Variants in PIEZO2 observed in about 807,000 individuals in gnomAD.
PIEZO2 encodes piezo-type mechanosensitive ion channel component 2.
In PIEZO2, 172 loss-of-function variants were observed where a neutral mutation model predicts 337.3. The observed-to-expected ratio is 0.51, with a 90% CI of 0.45 to 0.58. PIEZO2 has a LOEUF of 0.58. Ranked by LOEUF, PIEZO2 falls within the 20% of genes least tolerant of loss-of-function variation. The pLI is 0.00. For synonymous variants in PIEZO2, 1,251 were observed against 1,228.5 expected (o/e 1.02, Z -0.38); for missense variants, 3,028 against 3,391.3 (o/e 0.89, Z 2.66).
Position 11,032,217 on chromosome 18 carries a change from T to C in PIEZO2, c.160+33910A>G, listed in dbSNP as rs1387811000. ...CAGCAGAGAGCCTTATGTCTCAACA[T>C]TGATTCTCGGGTCTCCAGTGTGGTC... On this transcript the variant is annotated intron_variant, in intron 2 of 55. Coordinates refer to ENST00000674853, the MANE Select transcript of PIEZO2 (RefSeq NM_001378183.1). This position sits in a 1 kb window ranked among gnomAD's most constrained non-coding sequence, Gnocchi z 4.9. Among the ~76,000 whole-genome samples, 1 of 152,220 alleles carries C rather than the reference T, an allele frequency of 6.6e-6. No homozygotes were observed. Among genetic ancestry groups the C allele is most frequent in the East Asian group, 1.9e-4 (1 of 5,198 alleles).
chr18:10,741,498 G>A (rs1001886948), intron 32 of PIEZO2, among the ~76,000 whole-genome samples: 1 of 152,064 alleles, frequency 6.6e-6, no homozygotes, highest in Non-Finnish European at 1.5e-5. Context: ...ACAATAAGCA[G>A]AATTTTTTCT....
At chr18:10,994,412 T>C (rs2035226295) in intron 2 of PIEZO2, among the ~76,000 whole-genome samples, 1 of 151,574 alleles carries the variant, frequency 6.6e-6, no homozygotes, top group African/African-American at 2.4e-5. Flanking sequence ...TTTTTTTTTT[T>C]TTTTTGATAC....
At chr18:10,804,620 C>T (rs949113698) in intron 8 of PIEZO2, among the ~76,000 whole-genome samples, 1 of 152,142 alleles carries the variant, frequency 6.6e-6, no homozygotes, top group Non-Finnish European at 1.5e-5. Flanking sequence ...TGTCTGGGTC[C>T]CAGTGCACCA....
intron 43 of PIEZO2, among the ~76,000 whole-genome samples, chr18:10,699,969 C>T (rs1012128757): frequency 1.3e-5 from 2 of 152,130 alleles, no homozygotes; most frequent in South Asian, 2.1e-4. Context: ...AAACCAACTC[C>T]GAGAATGATC....
chr18:11,013,822 T>G (rs1206650667), intron 2 of PIEZO2, among the ~76,000 whole-genome samples: 3 of 152,222 alleles, frequency 2.0e-5, no homozygotes, highest in Non-Finnish European at 4.4e-5. Flanking sequence ...TTACAGAGGC[T>G]TTTAATGAGC....
At chr18:10,756,646 G>T (rs1336103686) in intron 27 of PIEZO2, among the ~76,000 whole-genome samples, 1 of 142,086 alleles carries the variant, frequency 7.0e-6, no homozygotes, top group African/African-American at 2.6e-5. Context: ...GGAGGGGTGG[G>T]GATGAGGATG....
In PIEZO2 at chr18:11,127,475, T is replaced by C. The variant is rs772996973; in HGVS notation, c.64+21050A>G. On this transcript the variant is annotated intron_variant, in intron 1 of 55. Coordinates refer to ENST00000674853, the MANE Select transcript of PIEZO2 (RefSeq NM_001378183.1). The surrounding 1 kb of genome is among the most constrained non-coding windows in gnomAD (Gnocchi z 4.5). ...GTGGGCACAATCTAATCAGCGAATATAAAGAAGGTAGGAAAACGTGACAAG... is the reference window on the plus strand; with the variant it reads ...GTGGGCACAATCTAATCAGCGAATACAAAGAAGGTAGGAAAACGTGACAAG... Among the ~76,000 whole-genome samples, 16 of 152,042 alleles carry C rather than the reference T, an allele frequency of 1.1e-4. No homozygotes were observed. Among genetic ancestry groups the C allele is most frequent in the African/African-American group, 3.9e-4 (16 of 41,460 alleles).
chr18:10,870,884 A>G lies in PIEZO2; in HGVS notation c.492+369T>C, dbSNP rs1358233327. On this transcript the variant is annotated intron_variant, in intron 5 of 55. Coordinates refer to ENST00000674853, the MANE Select transcript of PIEZO2 (RefSeq NM_001378183.1). This position sits in a 1 kb window ranked among gnomAD's most constrained non-coding sequence, Gnocchi z 5.3. ...TCATTTTTTTCCCTAAAACTACCAGATGTTACTTCTTTAAATATTCTGCAA... is the reference window on the plus strand; with the variant it reads ...TCATTTTTTTCCCTAAAACTACCAGGTGTTACTTCTTTAAATATTCTGCAA... Among the ~76,000 whole-genome samples, 1 of 152,090 alleles carries G rather than the reference A, an allele frequency of 6.6e-6. No individual in the cohort carries two copies. Among genetic ancestry groups the G allele is most frequent in the Non-Finnish European group, 1.5e-5 (1 of 68,024 alleles).
In PIEZO2 at chr18:10,707,661, G is replaced by A. The variant is rs536458396; in HGVS notation, c.5588+614C>T. ...GAATACTGTTTTAGGGTAGGATTTG[G>A]GAGAACTTAAGCCACAGTATATTTT... On this transcript the variant is annotated intron_variant, in intron 40 of 55. Transcript: ENST00000674853. This position sits in a 1 kb window ranked among gnomAD's most constrained non-coding sequence, Gnocchi z 4.2. Among the ~76,000 whole-genome samples the A allele has an allele frequency of 4.6e-5, 7 of 152,246 alleles. No individual in the cohort carries two copies. Among genetic ancestry groups the A allele is most frequent in the South Asian group, 2.1e-4 (1 of 4,822 alleles).
At chr18:11,024,354 G>A (rs533703613) in intron 2 of PIEZO2, among the ~76,000 whole-genome samples, 1 of 151,936 alleles carries the variant, frequency 6.6e-6, no homozygotes, top group African/African-American at 2.4e-5. Context: ...GACCATCCTG[G>A]GTAAGATAGT....
intron 1 of PIEZO2, among the ~76,000 whole-genome samples, chr18:11,113,331 CTGTT>C (rs1445111520): frequency 2.0e-5 from 3 of 152,198 alleles, no homozygotes; most frequent in East Asian, 3.9e-4. Context: ...ATTAGCCAAA[CTGTT>C]TGTTTCCATT....
chr18:11,058,818 T>C (rs1260797779), intron 2 of PIEZO2, among the ~76,000 whole-genome samples: 1 of 152,174 alleles, frequency 6.6e-6, no homozygotes, highest in East Asian at 1.9e-4. Flanking sequence ...TGGAACCAAG[T>C]TGGAAAACAC....
intron 43 of PIEZO2, among the ~76,000 whole-genome samples, chr18:10,700,899 T>A (rs541972079): frequency 6.6e-6 from 1 of 152,174 alleles, no homozygotes; most frequent in Non-Finnish European, 1.5e-5. Flanking sequence ...ATGACCCAGC[T>A]AAGGCTCCCT....
rs980334458 is a variant in PIEZO2, at chr18:11,035,500, C to G, written c.160+30627G>C. On this transcript the variant is annotated intron_variant, in intron 2 of 55. Coordinates refer to ENST00000674853, the MANE Select transcript of PIEZO2 (RefSeq NM_001378183.1). The surrounding 1 kb of genome is among the most constrained non-coding windows in gnomAD (Gnocchi z 4.3). ...ATAAACCTGTTTCCTTTACATATCT[C>G]CCAGCCTCAGATATTCCTTTAGAGC... 6.6e-6 allele frequency among the ~76,000 whole-genome samples: 1 copy of G among 152,174 alleles called. No individual in the cohort carries two copies. The highest frequency in any genetic ancestry group is 1.9e-4 in the East Asian group (1 of 5,190).
rs769411350 is a variant in PIEZO2, at chr18:10,870,219, C to T, written c.492+1034G>A. ...TTTGCATAGGTTTATTGAATTCTATCCCTCCTTTATTGTTTTTTAAATAAG... is the reference window on the plus strand; with the variant it reads ...TTTGCATAGGTTTATTGAATTCTATTCCTCCTTTATTGTTTTTTAAATAAG... On this transcript the variant is annotated intron_variant, in intron 5 of 55. Coordinates refer to ENST00000674853, the MANE Select transcript of PIEZO2 (RefSeq NM_001378183.1). The surrounding 1 kb of genome is among the most constrained non-coding windows in gnomAD (Gnocchi z 5.3). Among the ~76,000 whole-genome samples the T allele has an allele frequency of 6.6e-6, 1 of 152,120 alleles. No homozygotes were observed. The highest frequency in any genetic ancestry group is 1.5e-5 in the Non-Finnish European group (1 of 68,020).
chr18:11,023,389 C>G (rs1437387691), intron 2 of PIEZO2, among the ~76,000 whole-genome samples: 2 of 152,184 alleles, frequency 1.3e-5, no homozygotes, highest in African/African-American at 2.4e-5. Flanking sequence ...CAAAGGTTCT[C>G]CAAGTCCCCA....
At chr18:10,805,794 A>C (rs1417807869) in intron 8 of PIEZO2, among the ~76,000 whole-genome samples, 2 of 152,204 alleles carry the variant, frequency 1.3e-5, no homozygotes, top group African/African-American at 4.8e-5. Flanking sequence ...CTGAGACCCT[A>C]ATCCCACAGA....
At chr18:11,054,886 G>A (rs1454104075) in intron 2 of PIEZO2, among the ~76,000 whole-genome samples, 3 of 152,152 alleles carry the variant, frequency 2.0e-5, no homozygotes, top group African/African-American at 7.2e-5. Flanking sequence ...TGAGAAACTG[G>A]AGGGCAGAAG....
chr18:10,768,649 G>T (rs2038465828), intron 21 of PIEZO2, among the ~76,000 whole-genome samples: 1 of 152,188 alleles, frequency 6.6e-6, no homozygotes, highest in African/African-American at 2.4e-5. Context: ...TGAAAATTCT[G>T]AAAGTCTGCA....
Sources: allele counts gnomAD v4.1 joint callset (sites outside exome capture counted in the v4.1 genomes callset), GRCh38; gene constraint gnomAD v4.1.1; non-coding constraint Gnocchi (gnomAD v3.1); transcripts MANE v1.5; gene names NCBI Gene and HGNC (gene_info 2026-07-23, HGNC 2026-07-21).